Variants in BTBD1 observed in about 807,000 individuals in gnomAD.
BTBD1 encodes BTB/POZ domain-containing protein 1.
A neutral mutation model predicts 48.0 loss-of-function variants in BTBD1; 34 were observed. That is an observed-to-expected ratio of 0.71 (90% CI 0.54 to 0.94). BTBD1 has a LOEUF of 0.94. Ranked by LOEUF, BTBD1 falls within the 40% of genes least tolerant of loss-of-function variation. The pLI, the probability that BTBD1 is intolerant of heterozygous loss-of-function variation, is 0.00. For synonymous variants in BTBD1, 261 were observed against 242.1 expected, an observed-to-expected ratio of 1.08 and a Z score of -0.72; for missense variants, 543 against 625.6, an observed-to-expected ratio of 0.87 and a Z score of 1.41.
chr15:83,066,687 G>C (rs1180262399), intron 1 of BTBD1, 64 bp downstream of exon 1: 12 of 1,261,836 alleles, frequency 9.5e-6, no homozygotes, highest in Non-Finnish European at 1.2e-5. Flanking sequence ...CCGGGCCCCG[G>C]GGATCTCCCA....
At chr15:83,018,640 G>A in intron 7 of BTBD1, 67 bp downstream of exon 7, 1 of 1,557,438 alleles carries the variant, frequency 6.4e-7, no homozygotes, top group Non-Finnish European at 8.7e-7. Context: ...GTGACTCTCA[G>A]CTTCTAAAAC....
intron 1 of BTBD1, 102 bp downstream of exon 1, chr15:83,066,649 C>T: frequency 8.1e-7 from 1 of 1,234,804 alleles, no homozygotes. Context: ...AAGAGCCCAG[C>T]CCAAGGTCAT....
At chr15:83,053,577 T>A (rs1028313637) in intron 2 of BTBD1, among the ~76,000 whole-genome samples, 1 of 152,336 alleles carries the variant, frequency 6.6e-6, no homozygotes, top group East Asian at 1.9e-4. Flanking sequence ...TGAATTTATA[T>A]CTCACCTTTA....
intron 3 of BTBD1, among the ~76,000 whole-genome samples, chr15:83,044,081 T>TA (rs2032822067): frequency 6.6e-6 from 1 of 152,126 alleles, no homozygotes; most frequent in Non-Finnish European, 1.5e-5. Flanking sequence ...AAGAAGACGT[T>TA]AAGCACTTGA....
At chr15:83,053,719 CTTATTAG>C (rs2033033822) in intron 2 of BTBD1, among the ~76,000 whole-genome samples, 1 of 152,194 alleles carries the variant, frequency 6.6e-6, no homozygotes, top group South Asian at 2.1e-4. Flanking sequence ...GGAGATATCA[CTTATTAG>C]TTATATGACT....
In BTBD1 at chr15:83,018,209, T is replaced by C; in HGVS notation, c.1307A>G (p.Tyr436Cys). ...CATLKGPDSH[Y>C]GTKGLKKVVH... ...TACTTTCTTCAATCCTTTTGTGCCATAGTGGGAATCTGGACCCTAAATGAG... is the reference window on the plus strand; with the variant it reads ...TACTTTCTTCAATCCTTTTGTGCCACAGTGGGAATCTGGACCCTAAATGAG... The change falls in exon 8 of 8, where the codon TAT (tyrosine) becomes TGT (cysteine). Residue 436 changes from tyrosine (Y) to cysteine (C), a missense_variant. Transcript: ENST00000261721. 2 of 1,598,248 alleles carry C rather than the reference T, an allele frequency of 1.3e-6. No individual in the cohort carries two copies. Among genetic ancestry groups the C allele is most frequent in the Non-Finnish European group, 8.5e-7 (1 of 1,173,094 alleles).
rs1157994621 is a variant in BTBD1, at chr15:83,016,758, A to G, written c.*1309T>C. The G allele has an allele frequency of 6.6e-6, 1 of 152,234 alleles. No individual in the cohort carries two copies. The highest frequency in any genetic ancestry group is 2.4e-5 in the African/African-American group (1 of 41,462). 9.4% of individuals were successfully genotyped at this position (152,234 alleles called of 1,614,324 possible). On this transcript the variant is annotated 3_prime_UTR_variant, in exon 8 of 8. Coordinates refer to ENST00000261721, the MANE Select transcript of BTBD1 (RefSeq NM_025238.4). ...CATTACCATAGAAAAATTTCCCTTT[A>G]GCAATTTCAAGAGACCTCAGCCACC... is the stretch of plus-strand genomic sequence containing the variant.
intron 5 of BTBD1, among the ~76,000 whole-genome samples, chr15:83,021,742 A>AAATAATACT (rs1555438314): frequency 6.9e-6 from 1 of 145,378 alleles, no homozygotes; most frequent in Non-Finnish European, 1.5e-5. Context: ...ACTCCTTCTC[A>AAATAATACT]AATAATAATA....
At chr15:83,044,077 A>G (rs1034741347) in intron 3 of BTBD1, among the ~76,000 whole-genome samples, 1 of 152,204 alleles carries the variant, frequency 6.6e-6, no homozygotes, top group African/African-American at 2.4e-5. Flanking sequence ...TGAAAAGAAG[A>G]CGTTAAGCAC....
intron 1 of BTBD1, among the ~76,000 whole-genome samples, chr15:83,060,953 C>G (rs749485779): frequency 6.6e-6 from 1 of 152,162 alleles, no homozygotes; most frequent in Non-Finnish European, 1.5e-5. Context: ...ATAGCAGGCA[C>G]TGTAATAGTG....
chr15:83,050,061 T>C lies in BTBD1; in HGVS notation c.664+12A>G, dbSNP rs372175439. On this transcript the variant is annotated intron_variant, in intron 3 of 7. Transcript: ENST00000261721. ...ACTTAAAATGTAACAATTTACTTCATAGCGAACTTACCTATATCAATATCA... is the reference window on the plus strand; with the variant it reads ...ACTTAAAATGTAACAATTTACTTCACAGCGAACTTACCTATATCAATATCA... 1 of 1,539,968 alleles carries C rather than the reference T, an allele frequency of 6.5e-7. No individual in the cohort carries two copies. Among genetic ancestry groups the C allele is most frequent in the Non-Finnish European group, 9.0e-7 (1 of 1,115,202 alleles).
Position 83,041,785 on chromosome 15 carries a change from C to A in BTBD1, c.805G>T (p.Gly269Ter). 1 of 1,614,166 alleles carries A rather than the reference C, an allele frequency of 6.2e-7. No homozygotes were observed. The highest frequency in any genetic ancestry group is 8.5e-7 in the Non-Finnish European group (1 of 1,180,020). ...AACCGGATTAAGGAAAGTGCTTTTC[C>A]TAGAACTTTTTGTTTATTCCCAAAA... The part of the protein sequence containing the change: ...VTFGNKQKVL[G>*]KALSLIRFPL... The change falls in exon 4 of 8, where the codon GGA becomes TGA. Residue 269 changes from glycine to a stop codon, truncating the protein, a stop_gained. Coordinates refer to ENST00000261721, the MANE Select transcript of BTBD1 (RefSeq NM_025238.4). LOFTEE classifies it high-confidence loss of function.
chr15:83,018,757 G>T lies in BTBD1; in HGVS notation c.1240C>A (p.Pro414Thr), dbSNP rs2032222601. 5 of 1,613,936 alleles carry T rather than the reference G, an allele frequency of 3.1e-6. No homozygotes were observed. Among genetic ancestry groups the T allele is most frequent in the Middle Eastern group, 1.6e-4 (1 of 6,084 alleles). Residue 414 changes from proline (P) to threonine (T), a missense_variant, in exon 7 of 8, where the codon CCC becomes ACC. Coordinates refer to ENST00000261721, the MANE Select transcript of BTBD1 (RefSeq NM_025238.4). ...CACACATTGGGCAGGATCTCTATGG[G>T]TTCCTTGAACATGACCCTGAATGTG... The part of the protein sequence containing the change: ...ANTFRVMFKE[P>T]IEILPNVCYT...
At chr15:83,041,698 A>G in intron 4 of BTBD1, 30 bp downstream of exon 4, 1 of 1,603,324 alleles carries the variant, frequency 6.2e-7, no homozygotes, top group Non-Finnish European at 8.5e-7. Flanking sequence ...AAACAGTTTC[A>G]AATAGATTTT....
chr15:83,033,545 T>C (rs558091684), intron 4 of BTBD1, among the ~76,000 whole-genome samples: 141 of 152,240 alleles, frequency 9.3e-4, no homozygotes, highest in African/African-American at 3.2e-3. Context: ...AATAATGCCT[T>C]TATATTGTGT....
intron 4 of BTBD1, among the ~76,000 whole-genome samples, chr15:83,033,229 T>C (rs933151472): frequency 6.6e-6 from 1 of 151,762 alleles, no homozygotes; most frequent in African/African-American, 2.4e-5. Context: ...TTAAAAAAAA[T>C]GGTAAGATAA....
intron 3 of BTBD1, among the ~76,000 whole-genome samples, chr15:83,042,396 TATAGAGTC>T (rs57274218): frequency 0.36 from 47,138 of 130,330 alleles, 9,157 homozygotes; most frequent in Middle Eastern, 0.46. Flanking sequence ...ATATTTTGGA[TATAGAGTC>T]ATAGAGTCTC....
At chr15:83,032,238 T>C (rs549058061) in intron 4 of BTBD1, among the ~76,000 whole-genome samples, 17 of 151,918 alleles carry the variant, frequency 1.1e-4, no homozygotes, top group African/African-American at 3.9e-4. Flanking sequence ...GGAGAATCAC[T>C]GGAACCTGCG....
rs1162654694 is a variant in BTBD1, at chr15:83,017,362, T to C, written c.*705A>G. ...AGTGGTGCAGTTTAGTGACAGGGAATCCAGTCTTAGATCCTGTTTATATCA... is the reference window on the plus strand; with the variant it reads ...AGTGGTGCAGTTTAGTGACAGGGAACCCAGTCTTAGATCCTGTTTATATCA... On this transcript the variant is annotated 3_prime_UTR_variant, in exon 8 of 8. Coordinates refer to ENST00000261721, the MANE Select transcript of BTBD1 (RefSeq NM_025238.4). 6.6e-6 allele frequency: 1 copy of C among 152,628 alleles called. No homozygotes were observed. Among genetic ancestry groups the C allele is most frequent in the East Asian group, 1.9e-4 (1 of 5,202 alleles). 9.5% of individuals were successfully genotyped at this position (152,628 alleles called of 1,614,324 possible). A position where few individuals can be genotyped will look rare whatever the true frequency, so the allele number is the denominator to read the frequency against.
Sources: gnomAD v4.1 joint callset for allele counts (sites outside exome capture counted in the v4.1 genomes callset) on GRCh38, gnomAD v4.1.1 for gene constraint, MANE v1.5 for transcripts, NCBI Gene and HGNC (gene_info 2026-07-23, HGNC 2026-07-21) for gene names.